MGAM2: variants seen among roughly 807,000 people sequenced by gnomAD.
The protein encoded by MGAM2 is maltase-glucoamylase 2 (putative).
Under a neutral mutation model 96.1 loss-of-function variants are expected in MGAM2, and 98 were observed. That is an observed-to-expected ratio of 1.02 (90% confidence interval 0.87 to 1.21). The LOEUF is 1.21. MGAM2 is among the 50% of genes most tolerant of loss of function. The pLI is 0.00. For synonymous variants in MGAM2, 749 were observed against 414.8 expected, an observed-to-expected ratio of 1.81 and a Z score of -9.79; for missense variants, 2,055 against 1,182.4, an observed-to-expected ratio of 1.74 and a Z score of -10.82.
intron 4 of MGAM2, 65 bp from the exon 5 acceptor site, chr7:142,131,453 C>T: frequency 1.5e-6 from 1 of 676,308 alleles, no homozygotes; most frequent in Non-Finnish European, 2.7e-6. Context: ...AAAACAAAAA[C>T]AAAACAAAAC....
At chr7:142,139,093 T>G (rs1795142300) in intron 10 of MGAM2, among the ~76,000 whole-genome samples, 2 of 152,132 alleles carry the variant, frequency 1.3e-5, no homozygotes, top group Admixed American at 6.5e-5. Flanking sequence ...GGAGGTGACA[T>G]GAGGAACAAG....
In MGAM2 at chr7:142,180,474, A is replaced by G. The variant is rs188836449; in HGVS notation, c.3817-2792A>G. Among the ~76,000 whole-genome samples the G allele has an allele frequency of 1.3e-4, 20 of 152,214 alleles. 1 individual carries two copies. The East Asian group carries it at 3.5e-3, about 26-fold the overall frequency. On this transcript the variant is annotated intron_variant, in intron 32 of 47. Coordinates refer to ENST00000477922, the MANE Select transcript of MGAM2 (RefSeq NM_001293626.2). Reference sequence around the variant, plus strand: ...AATTTGAGATCTTTCTAACTTCTCGATGTAGGCACTTATGGCTATAAACTT... The same window carrying G: ...AATTTGAGATCTTTCTAACTTCTCGGTGTAGGCACTTATGGCTATAAACTT...
Position 142,172,114 on chromosome 7 carries a change from A to T in MGAM2, c.3368A>T (p.Tyr1123Phe). ...GACTCCCAGTACAAGAAGAATTCCT[A>T]TGGTGTCCACCCTTACTACATGGCA... ...DEPPAYKKNS[Y>F]GVHPYYMALE... Residue 1123 changes from tyrosine (Y) to phenylalanine (F), a missense_variant, in exon 29 of 48, where the codon TAT becomes TTT. Tyr to Phe is a conservative substitution (Grantham distance 22, BLOSUM62 3). Coordinates refer to ENST00000477922, the MANE Select transcript of MGAM2 (RefSeq NM_001293626.2). 1.4e-6 allele frequency: 1 copy of T among 733,018 alleles called. No individual in the cohort carries two copies. The highest frequency in any genetic ancestry group is 2.5e-6 in the Non-Finnish European group (1 of 399,890). 45.4% of individuals were successfully genotyped at this position (733,018 alleles called of 1,614,324 possible). A position where few individuals can be genotyped will look rare whatever the true frequency, so the allele number is the denominator to read the frequency against.
intron 17 of MGAM2, among the ~76,000 whole-genome samples, chr7:142,157,130 TA>T (rs1278386005): frequency 3.3e-5 from 5 of 152,156 alleles, no homozygotes; most frequent in African/African-American, 1.2e-4. Flanking sequence ...ATGTTAAAAT[TA>T]AAATTCATAC....
intron 40 of MGAM2, among the ~76,000 whole-genome samples, 191 bp downstream of exon 40, chr7:142,197,007 C>T (rs540893723): frequency 1.3e-5 from 2 of 152,288 alleles, no homozygotes; most frequent in African/African-American, 4.8e-5. Flanking sequence ...CTTTTCTCAT[C>T]TCCTGGAGAA....
chr7:142,113,705 A>C (rs947273444), intron 1 of MGAM2, among the ~76,000 whole-genome samples: 1 of 152,138 alleles, frequency 6.6e-6, no homozygotes, highest in Admixed American at 6.5e-5. Flanking sequence ...TATGAATCTA[A>C]ATCCCTGGGC....
At chr7:142,143,135 T>C (rs1795282280) in intron 12 of MGAM2, among the ~76,000 whole-genome samples, 1 of 152,202 alleles carries the variant, frequency 6.6e-6, no homozygotes. Context: ...AATCTATAAA[T>C]TTATAGGGAA....
chr7:142,194,687 C>CGTGT (rs201949167), intron 37 of MGAM2, among the ~76,000 whole-genome samples: 3,453 of 118,158 alleles, frequency 0.029, 156 homozygotes, highest in East Asian at 0.14. Flanking sequence ...TTTAATAGAA[C>CGTGT]ATGTGTGTAT....
chr7:142,191,220 C>G (rs189889185), intron 37 of MGAM2, among the ~76,000 whole-genome samples: 1 of 152,136 alleles, frequency 6.6e-6, no homozygotes, highest in East Asian at 1.9e-4. Context: ...AGGATATTTT[C>G]TCTCATTTTG....
At chr7:142,120,708 A>G (rs563812911) in intron 3 of MGAM2, among the ~76,000 whole-genome samples, 1 of 152,166 alleles carries the variant, frequency 6.6e-6, no homozygotes, top group Non-Finnish European at 1.5e-5. Flanking sequence ...GGGCTAGACT[A>G]TGTATTCTTT....
chr7:142,117,097 C>T lies in MGAM2; in HGVS notation c.106+118C>T, dbSNP rs1195057842. On this transcript the variant is annotated intron_variant, in intron 2 of 47. Transcript: ENST00000477922. ...CCACTACATTGCAGTATTCAAAATT[C>T]ACTTCCATGATTAGTTTAAGTTCAA... The T allele has an allele frequency of 4.7e-6, 3 of 643,998 alleles. No homozygotes were observed. In the African/African-American group the frequency reaches 5.4e-5, roughly 12 times the overall value. 39.9% of individuals were successfully genotyped at this position (643,998 alleles called of 1,614,324 possible). A position where few individuals can be genotyped will look rare whatever the true frequency, so the allele number is the denominator to read the frequency against.
At chr7:142,181,792 G>T (rs1381938825) in intron 32 of MGAM2, among the ~76,000 whole-genome samples, 1 of 152,182 alleles carries the variant, frequency 6.6e-6, no homozygotes. Flanking sequence ...AGGCACTGCA[G>T]TGTTGCCGTA....
At chr7:142,131,095 C>T in intron 4 of MGAM2, 24 bp downstream of exon 4, 1 of 698,976 alleles carries the variant, frequency 1.4e-6, no homozygotes, top group Non-Finnish European at 2.6e-6. Context: ...TGATGTTGCG[C>T]CTGGGAACAA....
rs1472049347 is a variant in MGAM2 at position 142,129,855 on chromosome 7, A to G, written c.187-1093A>G. ...AAAAAAAAAAAAAAAAAAAAAAAAA[A>G]AAAAAAAAAAGAAATTCAGTTGTAA... On this transcript the variant is annotated intron_variant, in intron 3 of 47. Transcript: ENST00000477922. Among the ~76,000 whole-genome samples the G allele has an allele frequency of 1.3e-4, 19 of 142,362 alleles. No homozygotes were observed. The East Asian group carries it at 3.7e-3, about 28-fold the overall frequency. 93.4% of individuals were successfully genotyped at this position (142,362 alleles called of 152,430 possible). A position where few individuals can be genotyped will look rare whatever the true frequency, so the allele number is the denominator to read the frequency against.
intron 27 of MGAM2, 179 bp from the exon 28 acceptor site, chr7:142,171,093 G>A (rs774243859): frequency 6.2e-6 from 4 of 642,984 alleles, no homozygotes; most frequent in Middle Eastern, 3.7e-4. Context: ...AATCTAACAT[G>A]GAACTTTGGT....
In MGAM2 at chr7:142,114,066, G is replaced by A. The variant is rs1817268831; in HGVS notation, c.-1+2259G>A. ...GAATCACTTGAACCTGGGTGGCGGA[G>A]GTTGCGGTGAGCCGAGATCGCGCCA... is the stretch of plus-strand genomic sequence containing the variant. On this transcript the variant is annotated intron_variant, in intron 1 of 47. Transcript: ENST00000477922. Among the ~76,000 whole-genome samples the A allele has an allele frequency of 2.0e-5, 3 of 151,398 alleles. No homozygotes were observed. In the South Asian group the frequency reaches 6.3e-4, roughly 32 times the overall value.
In MGAM2 at chr7:142,138,672, G is replaced by A. The variant is rs1421149586; in HGVS notation, c.1086+5G>A. ...CGTTTAGCTGAGATACCATATGTAA[G>A]TCGAAACTTCTTTTACCATGCAGTT... On this transcript the variant is annotated splice_donor_5th_base_variant and intron_variant, in intron 10 of 47. Transcript: ENST00000477922. 1 of 700,134 alleles carries A rather than the reference G, an allele frequency of 1.4e-6. No homozygotes were observed. Among genetic ancestry groups the A allele is most frequent in the South Asian group, 1.5e-5 (1 of 66,774 alleles). 43.4% of individuals were successfully genotyped at this position (700,134 alleles called of 1,614,324 possible). A position where few individuals can be genotyped will look rare whatever the true frequency, so the allele number is the denominator to read the frequency against.
intron 22 of MGAM2, 29 bp from the exon 23 acceptor site, chr7:142,161,926 A>G (rs754383698): frequency 3.6e-4 from 241 of 672,486 alleles, no homozygotes; most frequent in Non-Finnish European, 5.8e-4. Context: ...GGCTTCCCAT[A>G]GTAACCGGTA....
At chr7:142,184,120 G>A (rs1796626097) in intron 33 of MGAM2, among the ~76,000 whole-genome samples, 1 of 151,460 alleles carries the variant, frequency 6.6e-6, no homozygotes, top group African/African-American at 2.4e-5. Flanking sequence ...TTACATGTGT[G>A]TGCCAACACT....
Sources: gnomAD v4.1 joint callset for allele counts (sites outside exome capture counted in the v4.1 genomes callset) on GRCh38, gnomAD v4.1.1 for gene constraint, MANE v1.5 for transcripts, NCBI Gene and HGNC (gene_info 2026-07-23, HGNC 2026-07-21) for gene names.